TMEM161B: variants seen among roughly 807,000 people sequenced by gnomAD.
TMEM161B encodes transmembrane protein 161B.
In TMEM161B, 34 loss-of-function variants were observed where a neutral mutation model predicts 61.8. The observed-to-expected ratio is 0.55, with a 90% confidence interval of 0.42 to 0.73. TMEM161B has a LOEUF of 0.73. Ranked by LOEUF, TMEM161B falls within the 30% of genes least tolerant of loss-of-function variation. The pLI is 0.00. For synonymous variants in TMEM161B, 167 were observed against 192.8 expected, an observed-to-expected ratio of 0.87 and a Z score of 1.11; for missense variants, 456 against 558.5, an observed-to-expected ratio of 0.82 and a Z score of 1.85.
At chr5:88,221,594 T>C in intron 4 of TMEM161B, 1 of 423,498 alleles carries the variant, frequency 2.4e-6, no homozygotes, top group Non-Finnish European at 4.8e-6. Flanking sequence ...TATAAAACCA[T>C]ACCCCTTCAA....
At chr5:88,238,695 C>A (rs1752252561) in intron 2 of TMEM161B, among the ~76,000 whole-genome samples, 1 of 151,850 alleles carries the variant, frequency 6.6e-6, no homozygotes. Flanking sequence ...TTTACATAGG[C>A]AATTTATAAT....
chr5:88,259,294 G>C (rs373002260), intron 1 of TMEM161B: 19 of 152,260 alleles, frequency 1.2e-4, no homozygotes, highest in African/African-American at 4.3e-4. Flanking sequence ...ATCCCTTAAA[G>C]GAACTATGTC....
intron 1 of TMEM161B, among the ~76,000 whole-genome samples, chr5:88,241,862 A>G (rs1434375889): frequency 6.6e-6 from 1 of 151,772 alleles, no homozygotes; most frequent in Non-Finnish European, 1.5e-5. Flanking sequence ...ATCAAATGGG[A>G]ACCCTCTCAC....
At chr5:88,249,299 AG>A (rs1754026418) in intron 1 of TMEM161B, among the ~76,000 whole-genome samples, 1 of 152,122 alleles carries the variant, frequency 6.6e-6, no homozygotes, top group Non-Finnish European at 1.5e-5. Flanking sequence ...TCATCACAAA[AG>A]GTAAAAGCCT....
In TMEM161B at chr5:88,202,535, G is replaced by A. The variant is rs555392008; in HGVS notation, c.914+427C>T. 7.3e-4 allele frequency: 133 copies of A among 183,332 alleles called. 1 individual carries two copies. The South Asian group carries it at 0.011, about 15-fold the overall frequency. The allele number at this position is 183,332 out of a possible 1,614,324, so 11.4% of individuals were successfully genotyped here. Reference sequence around the variant, plus strand: ...ATCCTTCATCAAAAAACAAAACAAAGAATGGATGAAGCAAATATGGAAAAT... The same window carrying A: ...ATCCTTCATCAAAAAACAAAACAAAAAATGGATGAAGCAAATATGGAAAAT... On this transcript the variant is annotated intron_variant, in intron 9 of 11. Transcript: ENST00000296595.
chr5:88,192,489 A>T (rs760784388), downstream of TMEM161B, among the ~76,000 whole-genome samples: 4 of 152,256 alleles, frequency 2.6e-5, no homozygotes, highest in Non-Finnish European at 4.4e-5. Context: ...GATATCATCA[A>T]GCAAGACATT....
intron 2 of TMEM161B, among the ~76,000 whole-genome samples, chr5:88,237,991 A>G (rs936202985): frequency 1.3e-5 from 2 of 152,060 alleles, no homozygotes; most frequent in Non-Finnish European, 2.9e-5. Flanking sequence ...GGACCATCCA[A>G]TGCCCCCAAC....
chr5:88,192,397 T>A (rs1056762122), downstream of TMEM161B, among the ~76,000 whole-genome samples: 1 of 152,062 alleles, frequency 6.6e-6, no homozygotes, highest in African/African-American at 2.4e-5. Context: ...TTCCCCACCT[T>A]AGGAACAAAA....
At chr5:88,186,244 A>C (rs1314556457), downstream of TMEM161B, among the ~76,000 whole-genome samples, 2 of 152,350 alleles carry the variant, frequency 1.3e-5, no homozygotes, top group Non-Finnish European at 2.9e-5. Flanking sequence ...TGTCAAGAAA[A>C]TTGTAAAGTC....
At chr5:88,206,905 TAC>T (rs1223147727) in intron 6 of TMEM161B, 122 bp downstream of exon 6, 8 of 815,442 alleles carry the variant, frequency 9.8e-6, no homozygotes, top group African/African-American at 3.5e-5. Flanking sequence ...TTTTGAACAT[TAC>T]AGAGTATACA....
downstream of TMEM161B, among the ~76,000 whole-genome samples, chr5:88,190,442 G>C (rs1010649127): frequency 6.6e-6 from 1 of 152,102 alleles, no homozygotes; most frequent in African/African-American, 2.4e-5. Flanking sequence ...TCTAGTAACC[G>C]AATGCATCCT....
At chr5:88,218,234 T>C (rs1748270381) in intron 5 of TMEM161B, among the ~76,000 whole-genome samples, 1 of 151,340 alleles carries the variant, frequency 6.6e-6, no homozygotes, top group Non-Finnish European at 1.5e-5. Flanking sequence ...AGAGAGAAAA[T>C]AGAGAAGGGA....
rs540556692 is a variant in TMEM161B at position 88,196,126 on chromosome 5, T to A, written c.*85A>T. 1.1e-5 allele frequency: 17 copies of A among 1,498,450 alleles called. No individual in the cohort carries two copies. The East Asian group carries it at 3.9e-4, about 34-fold the overall frequency. 92.8% of individuals were successfully genotyped at this position (1,498,450 alleles called of 1,614,324 possible). A position where few individuals can be genotyped will look rare whatever the true frequency, so the allele number is the denominator to read the frequency against. ...TTTTTTTTTTCCCATTGTATTTGCT[T>A]TCTTCTGGTTTTCATCAGCCCTTTA... On this transcript the variant is annotated 3_prime_UTR_variant, in exon 12 of 12. Transcript: ENST00000296595.
At chr5:88,267,372 G>C (rs1188784088) in intron 1 of TMEM161B, among the ~76,000 whole-genome samples, 1 of 151,978 alleles carries the variant, frequency 6.6e-6, no homozygotes, top group Non-Finnish European at 1.5e-5. Context: ...TAAAGAGATA[G>C]GTTATCTGGT....
Position 88,197,761 on chromosome 5 carries a change from G to A in TMEM161B, c.1094C>T (p.Ala365Val). 6.2e-7 allele frequency: 1 copy of A among 1,611,688 alleles called. No individual in the cohort carries two copies. Among genetic ancestry groups the A allele is most frequent in the Non-Finnish European group, 8.5e-7 (1 of 1,178,644 alleles). Residue 365 changes from alanine (A) to valine (V), a missense_variant, in exon 11 of 12, where the codon GCT becomes GTT. Ala to Val is a moderately conservative substitution (Grantham distance 64). Coordinates refer to ENST00000296595, the MANE Select transcript of TMEM161B (RefSeq NM_153354.5). ...ISTVELQKMV[A>V]RVFYYLCVIA... is the part of the protein sequence containing the mutation. Reference sequence around the variant, plus strand: ...GACACAAAGATAATAAAAGACTCGAGCCACCTGCAACCAACAACATTCTTA... The same window carrying A: ...GACACAAAGATAATAAAAGACTCGAACCACCTGCAACCAACAACATTCTTA...
chr5:88,237,543 T>A (rs1478182048), intron 2 of TMEM161B, among the ~76,000 whole-genome samples: 1 of 152,082 alleles, frequency 6.6e-6, no homozygotes, highest in Non-Finnish European at 1.5e-5. Context: ...CTGAAGAAAC[T>A]GAGAAACTTC....
At position 88,205,877 on chromosome 5, in the gene TMEM161B, G is replaced by A; in HGVS notation, c.737C>T (p.Pro246Leu). 1.2e-6 allele frequency: 2 copies of A among 1,612,640 alleles called. No homozygotes were observed. Among genetic ancestry groups the A allele is most frequent in the Non-Finnish European group, 1.7e-6 (2 of 1,179,276 alleles). Residue 246 changes from proline to leucine, a missense_variant, in exon 8 of 12, where the codon CCT becomes CTT. Around this residue, in one of 3 missense-constraint regions of TMEM161B, gnomAD observed 367 missense variants for 427.3 expected, o/e 0.86. Coordinates refer to ENST00000296595, the MANE Select transcript of TMEM161B (RefSeq NM_153354.5). ...ATGCATTTGAGCCAGTCGTAATCCA[G>A]GAAATGTCAAAAAAGCCCCAATGAA... is the stretch of plus-strand genomic sequence containing the variant. ...CSFIGAFLTFPGLRLAQMHLD... is the reference protein window; with the variant it reads ...CSFIGAFLTFLGLRLAQMHLD...
At chr5:88,248,191 A>C (rs1322684934) in intron 1 of TMEM161B, among the ~76,000 whole-genome samples, 2 of 152,120 alleles carry the variant, frequency 1.3e-5, no homozygotes, top group Non-Finnish European at 2.9e-5. Flanking sequence ...AGAACAAAAT[A>C]GTGAATTTAA....
intron 5 of TMEM161B, among the ~76,000 whole-genome samples, chr5:88,220,026 T>C (rs1436718505): frequency 6.6e-6 from 1 of 152,026 alleles, no homozygotes; most frequent in Non-Finnish European, 1.5e-5. Context: ...TCTGAACTAT[T>C]GAGGTTCTAC....
Sources: allele counts gnomAD v4.1 joint callset (sites outside exome capture counted in the v4.1 genomes callset), GRCh38; gene constraint gnomAD v4.1.1; regional missense constraint gnomAD v4.1.1; transcripts MANE v1.5; gene names NCBI Gene and HGNC (gene_info 2026-07-23, HGNC 2026-07-21).